SPATA17: variants seen among roughly 807,000 people sequenced by gnomAD.
The protein encoded by SPATA17 is spermatogenesis-associated protein 17.
SPATA17 carries 53 observed loss-of-function variants against 62.2 expected under a neutral mutation model. The observed-to-expected ratio is 0.85, with a 90% confidence interval of 0.68 to 1.07. The LOEUF (loss-of-function observed/expected upper bound fraction) is 1.07, where lower values mean the gene tolerates loss of function less well. Among genes scored for constraint, SPATA17 ranks in the 50% least tolerant of loss-of-function variants. The pLI, the probability that SPATA17 is intolerant of heterozygous loss-of-function variation, is 0.00. For synonymous variants in SPATA17, 146 were observed against 146.8 expected, an observed-to-expected ratio of 0.99 and a Z score of 0.04; for missense variants, 466 against 425.5, an observed-to-expected ratio of 1.10 and a Z score of -0.84.
intron 5 of SPATA17, among the ~76,000 whole-genome samples, chr1:217,694,791 T>C (rs1339899399): frequency 1.4e-5 from 2 of 146,334 alleles, no homozygotes; most frequent in African/African-American, 5.0e-5. Context: ...GGTTGAAAAT[T>C]CTTTTCTTTA....
chr1:217,793,306 C>T (rs929675033), intron 8 of SPATA17, among the ~76,000 whole-genome samples: 6 of 148,374 alleles, frequency 4.0e-5, no homozygotes, highest in African/African-American at 9.9e-5. Flanking sequence ...CTGCAAGCTC[C>T]GCCTTCCGGG....
At chr1:217,682,358 C>G (rs1372655443) in intron 4 of SPATA17, among the ~76,000 whole-genome samples, 2 of 148,814 alleles carry the variant, frequency 1.3e-5, no homozygotes, top group Non-Finnish European at 3.0e-5. Flanking sequence ...TAACATTCCT[C>G]TCATCCAAAA....
At chr1:217,779,182 GGA>G (rs1033106732) in intron 7 of SPATA17, among the ~76,000 whole-genome samples, 3 of 150,052 alleles carry the variant, frequency 2.0e-5, no homozygotes, top group African/African-American at 4.9e-5. Flanking sequence ...GTCTGTGTAT[GGA>G]GAGAGAGAAA....
At chr1:217,723,535 G>T (rs1350109570) in intron 5 of SPATA17, among the ~76,000 whole-genome samples, 1 of 152,012 alleles carries the variant, frequency 6.6e-6, no homozygotes, top group Non-Finnish European at 1.5e-5. Context: ...AAAATTTTTG[G>T]AGTTATTTTC....
intron 8 of SPATA17, among the ~76,000 whole-genome samples, chr1:217,800,906 A>T (rs1410153577): frequency 6.6e-6 from 1 of 152,176 alleles, no homozygotes; most frequent in Non-Finnish European, 1.5e-5. Context: ...GGTTATACTG[A>T]AAGCATATCA....
chr1:217,862,965 T>C, intron 10 of SPATA17, 109 bp downstream of exon 10: 1 of 600,706 alleles, frequency 1.7e-6, no homozygotes, highest in East Asian at 2.8e-5. Flanking sequence ...GCTATAATAA[T>C]ATTTTATGTA....
chr1:217,789,782 C>A (rs1482437000), intron 8 of SPATA17, among the ~76,000 whole-genome samples: 1 of 152,118 alleles, frequency 6.6e-6, no homozygotes, highest in Non-Finnish European at 1.5e-5. Flanking sequence ...CACCTGTGAT[C>A]CTAGCACTTT....
rs545642106 is a variant in SPATA17, at chr1:217,825,383, C to G, written c.1005+23533C>G. On this transcript the variant is annotated intron_variant, in intron 9 of 10. Transcript: ENST00000366933. Reference sequence around the variant, plus strand: ...TGTGAATGTGTAAATCATGCCATGTCATTTTTTTGTTTTGTTTTTATAAAA... The same window carrying G: ...TGTGAATGTGTAAATCATGCCATGTGATTTTTTTGTTTTGTTTTTATAAAA... Among the ~76,000 whole-genome samples, 4 of 151,662 alleles carry G rather than the reference C, an allele frequency of 2.6e-5. No individual in the cohort carries two copies. The South Asian group carries it at 8.3e-4, about 32-fold the overall frequency.
At chr1:217,640,951 G>T (rs1490317469) in intron 1 of SPATA17, among the ~76,000 whole-genome samples, 4 of 152,024 alleles carry the variant, frequency 2.6e-5, no homozygotes, top group Non-Finnish European at 4.4e-5. Context: ...GGTTGAAATA[G>T]AATCTTTTTT....
At chr1:217,689,919 T>C (rs1401310811) in intron 5 of SPATA17, among the ~76,000 whole-genome samples, 1 of 152,052 alleles carries the variant, frequency 6.6e-6, no homozygotes, top group Admixed American at 6.6e-5. Flanking sequence ...TTTTTTTTTT[T>C]TGAGACAGAG....
chr1:217,811,192 C>T (rs572988233), intron 9 of SPATA17, among the ~76,000 whole-genome samples: 1 of 152,188 alleles, frequency 6.6e-6, no homozygotes, highest in Admixed American at 6.5e-5. Flanking sequence ...CACCACCACA[C>T]TCAGCTAATT....
intron 6 of SPATA17, among the ~76,000 whole-genome samples, chr1:217,772,806 T>C (rs530400716): frequency 4.0e-4 from 61 of 152,362 alleles, no homozygotes; most frequent in African/African-American, 1.4e-3. Context: ...AGCTTCTAGC[T>C]TGTGGAAGAC....
In SPATA17 at chr1:217,669,088, A is replaced by G. The variant is rs574587273; in HGVS notation, c.291+5A>G. The stretch of plus-strand genomic sequence containing the variant: ...TACAATGCAATGGCTGTCAGGGTAA[A>G]TATTTCTTCACTTGTTAAACAAATG... On this transcript the variant is annotated splice_donor_5th_base_variant and intron_variant, in intron 4 of 10. Transcript: ENST00000366933. 5.0e-6 allele frequency: 8 copies of G among 1,609,186 alleles called. No homozygotes were observed. In the African/African-American group the frequency reaches 5.3e-5, roughly 11 times the overall value.
At chr1:217,659,187 AACACACACACACAC>A (rs10546517) in intron 3 of SPATA17, among the ~76,000 whole-genome samples, 1 of 144,548 alleles carries the variant, frequency 6.9e-6, no homozygotes, top group Non-Finnish European at 1.5e-5. Context: ...TGCCCATCAA[AACACACACACACAC>A]ACACACACAC....
At chr1:217,710,646 T>C (rs549698028) in intron 5 of SPATA17, among the ~76,000 whole-genome samples, 12 of 151,890 alleles carry the variant, frequency 7.9e-5, no homozygotes, top group African/African-American at 2.4e-4. Flanking sequence ...AAAGGAAATA[T>C]TTATTTGCTT....
In SPATA17 at chr1:217,786,750, T is replaced by TTTCTTCCTCTTCTTCTTCTTC. The variant is rs1673874241; in HGVS notation, c.872+4434_872+4435insCTCTTCTTCTTCTTCTTCTTC. Among the ~76,000 whole-genome samples the TTTCTTCCTCTTCTTCTTCTTC allele has an allele frequency of 1.2e-4, 13 of 107,550 alleles. No individual in the cohort carries two copies. The South Asian group carries it at 1.8e-3, about 15-fold the overall frequency. The allele number at this position is 107,550 out of a possible 152,430, so 70.6% of individuals were successfully genotyped here. ...AATGATAGAAGGATTTGATATTCTC[T>TTTCTTCCTCTTCTTCTTCTTC]TTCTTCTTCTTCTTCTTCTTCTTCT... On this transcript the variant is annotated intron_variant, in intron 8 of 10. Transcript: ENST00000366933.
At chr1:217,865,880 G>A (rs549588522) in intron 10 of SPATA17, among the ~76,000 whole-genome samples, 4 of 152,104 alleles carry the variant, frequency 2.6e-5, no homozygotes, top group African/African-American at 9.7e-5. Flanking sequence ...TTTGAGGCCC[G>A]ATAAGATGAG....
At chr1:217,779,636 T>C (rs1673685984) in intron 7 of SPATA17, among the ~76,000 whole-genome samples, 1 of 150,860 alleles carries the variant, frequency 6.6e-6, no homozygotes, top group Non-Finnish European at 1.5e-5. Context: ...CCCTTCTTCC[T>C]TTTTTTTTCC....
chr1:217,776,154 A>T (rs1051580471), intron 7 of SPATA17, among the ~76,000 whole-genome samples: 2 of 152,198 alleles, frequency 1.3e-5, no homozygotes, highest in East Asian at 3.9e-4. Flanking sequence ...AATCTTCCCT[A>T]TAACTAGATT....
Sources: allele counts gnomAD v4.1 joint callset (sites outside exome capture counted in the v4.1 genomes callset), GRCh38; gene constraint gnomAD v4.1.1; transcripts MANE v1.5; gene names NCBI Gene and HGNC (gene_info 2026-07-23, HGNC 2026-07-21).